USP32: variants seen among roughly 807,000 people sequenced by gnomAD.
The protein encoded by USP32 is ubiquitin specific peptidase 32.
Under a neutral mutation model 204.8 loss-of-function variants are expected in USP32, and 59 were observed. The ratio of observed to expected loss-of-function variants is 0.29; its 90% CI spans 0.23 to 0.36. USP32 has a LOEUF of 0.36. USP32 is among the 10% of genes least tolerant of loss of function. The pLI, the probability that USP32 is intolerant of heterozygous loss-of-function variation, is 1.00. For missense variants in USP32, 1,160 were observed against 1,946.4 expected (o/e 0.60, Z 7.60); for synonymous variants, 517 against 678.4 (o/e 0.76, Z 3.70).
intron 25 of USP32, among the ~76,000 whole-genome samples, chr17:60,206,393 A>C (rs1193994581): frequency 1.3e-5 from 2 of 149,688 alleles, no homozygotes; most frequent in African/African-American, 2.6e-5. Flanking sequence ...CAAGCGCTTA[A>C]CAGTCCACGT....
At chr17:60,293,927 C>T (rs1031299517) in intron 4 of USP32, among the ~76,000 whole-genome samples, 2 of 152,198 alleles carry the variant, frequency 1.3e-5, no homozygotes, top group African/African-American at 2.4e-5. Context: ...AAGGACTTGT[C>T]ACATACTAGC....
At chr17:60,208,994 C>A (rs1286625739) in intron 22 of USP32, among the ~76,000 whole-genome samples, 166 bp from the exon 23 acceptor site, 1 of 152,014 alleles carries the variant, frequency 6.6e-6, no homozygotes, top group Non-Finnish European at 1.5e-5. Flanking sequence ...TCCTATTTTT[C>A]ATTTGTTCTT....
rs56811678 is a variant in USP32, at chr17:60,274,620, A to G, written c.572-3139T>C. Among the ~76,000 whole-genome samples the G allele has an allele frequency of 7.3e-3, 1,108 of 152,344 alleles. 16 individuals are homozygous for G. The highest frequency in any genetic ancestry group is 0.026 in the African/African-American group (1,064 of 41,574). Reference sequence around the variant, plus strand: ...AGAAAGCAACAGGGAAGAAGTACTGAAAAAGAAAACAAAATTGTCAACCTC... The same window carrying G: ...AGAAAGCAACAGGGAAGAAGTACTGGAAAAGAAAACAAAATTGTCAACCTC... On this transcript the variant is annotated intron_variant, in intron 5 of 33. Transcript: ENST00000300896.
intron 8 of USP32, 44 bp downstream of exon 8, chr17:60,265,932 A>T: frequency 6.9e-7 from 1 of 1,453,172 alleles, no homozygotes; most frequent in South Asian, 1.2e-5. Context: ...CCAATTTCCC[A>T]TTGGAAGTTT....
chr17:60,212,155 G>A (rs951243579), intron 18 of USP32, 57 bp from the exon 19 acceptor site: 11 of 1,402,822 alleles, frequency 7.8e-6, no homozygotes, highest in South Asian at 2.5e-5. Context: ...ATACCCATTC[G>A]ATTGCTTTTT....
chr17:60,399,634 G>A (rs1452716777), intron 1 of USP32, among the ~76,000 whole-genome samples: 1 of 152,128 alleles, frequency 6.6e-6, no homozygotes, highest in African/African-American at 2.4e-5. Context: ...CTGCACTCCA[G>A]CCTGGATGAC....
rs538170509 is a variant in USP32 at position 60,190,532 on chromosome 17, C to A, written c.3642+31G>T. On this transcript the variant is annotated intron_variant, in intron 29 of 33. Coordinates refer to ENST00000300896, the MANE Select transcript of USP32 (RefSeq NM_032582.4). ...CTGGTGGAAATTTCTCATATAAAAA[C>A]CACCATTTTATGGTGGCCCTAAATA... The A allele has an allele frequency of 5.3e-6, 8 of 1,512,558 alleles. No homozygotes were observed. In the South Asian group the frequency reaches 1.1e-4, roughly 20 times the overall value. The allele number at this position is 1,512,558 out of a possible 1,614,324, so 93.7% of individuals were successfully genotyped here.
chr17:60,183,474 A>C (rs1175672037), intron 30 of USP32, 21 bp from the exon 31 acceptor site: 1 of 1,570,522 alleles, frequency 6.4e-7, no homozygotes, highest in Non-Finnish European at 8.6e-7. Context: ...AAAGGTAGAA[A>C]ACATCTGCAT....
intron 11 of USP32, among the ~76,000 whole-genome samples, chr17:60,247,337 AC>A (rs375633282): frequency 5.3e-4 from 81 of 151,664 alleles, no homozygotes; most frequent in African/African-American, 1.8e-3. Context: ...CTGCCACCAT[AC>A]CCAACTAGTT....
intron 25 of USP32, among the ~76,000 whole-genome samples, chr17:60,206,681 T>C (rs2084835535): frequency 6.6e-6 from 1 of 151,792 alleles, no homozygotes; most frequent in South Asian, 2.1e-4. Context: ...AAATTACATA[T>C]AATATTGGAT....
rs78862134 is a variant in USP32, at chr17:60,293,289, G to A, written c.411+1394C>T. ...AAAAATGAGAATGTCTGCATAAACC[G>A]TATTAAAATGAAAAAATATCATACT... On this transcript the variant is annotated intron_variant, in intron 4 of 33. Transcript: ENST00000300896. Among the ~76,000 whole-genome samples the A allele has an allele frequency of 1.5e-4, 23 of 152,090 alleles. No individual in the cohort carries two copies. The East Asian group carries it at 1.9e-3, about 13-fold the overall frequency.
At chr17:60,237,672 G>A (rs913819024) in intron 11 of USP32, among the ~76,000 whole-genome samples, 5 of 152,264 alleles carry the variant, frequency 3.3e-5, no homozygotes, top group African/African-American at 1.2e-4. Flanking sequence ...TCATGTAAAT[G>A]GGATGATTCA....
intron 1 of USP32, among the ~76,000 whole-genome samples, chr17:60,410,798 C>T (rs546487843): frequency 2.1e-4 from 32 of 151,768 alleles, no homozygotes; most frequent in African/African-American, 7.3e-4. Flanking sequence ...TAGAAACTGT[C>T]GGCTGGGTGC....
Position 60,301,677 on chromosome 17 carries a change from A to G in USP32, c.214T>C (p.Ser72Pro). 1.2e-6 allele frequency: 2 copies of G among 1,600,994 alleles called. No individual in the cohort carries two copies. Among genetic ancestry groups the G allele is most frequent in the African/African-American group, 1.4e-5 (1 of 74,038 alleles). The change falls in exon 3 of 34, where the codon TCC (serine) becomes CCC (proline). Residue 72 changes from serine to proline, a missense_variant. This residue lies in a region of USP32 where 536 missense variants were observed against 680.9 expected (regional missense o/e 0.79). Transcript: ENST00000300896. ...EVIYCSFGGT[S>P]KGLHFNNLIV... ...AAATTATTGAAGTGCAGCCCTTTGG[A>G]TGTTCCACCAAAAGAACAGTAAATC...
At chr17:60,346,295 C>G (rs999537370) in intron 1 of USP32, among the ~76,000 whole-genome samples, 4 of 152,004 alleles carry the variant, frequency 2.6e-5, no homozygotes, top group Non-Finnish European at 4.4e-5. Context: ...TATAGGCATA[C>G]AAATTTTAGG....
chr17:60,257,859 T>A (rs1226685930), intron 9 of USP32, among the ~76,000 whole-genome samples: 1 of 152,142 alleles, frequency 6.6e-6, no homozygotes, highest in Admixed American at 6.5e-5. Flanking sequence ...TATCAGTTTC[T>A]TACTCTTTGG....
At chr17:60,311,969 G>C (rs1053731261) in intron 2 of USP32, among the ~76,000 whole-genome samples, 4 of 152,216 alleles carry the variant, frequency 2.6e-5, no homozygotes, top group East Asian at 3.8e-4. Flanking sequence ...CAGTTCCTTA[G>C]GGGAAATAGT....
intron 29 of USP32, among the ~76,000 whole-genome samples, chr17:60,187,080 TC>T (rs2084269781): frequency 1.3e-5 from 2 of 152,274 alleles, no homozygotes; most frequent in South Asian, 2.1e-4. Context: ...GTGAACTTCC[TC>T]CATGAATTTC....
chr17:60,326,968 C>T (rs1598249477), intron 2 of USP32, among the ~76,000 whole-genome samples: 1 of 50,850 alleles, frequency 2.0e-5, no homozygotes, highest in Admixed American at 2.1e-4. Context: ...TTACTAGAGG[C>T]GAGGAAAGGG....
Sources: allele counts gnomAD v4.1 joint callset (sites outside exome capture counted in the v4.1 genomes callset), GRCh38; gene constraint gnomAD v4.1.1; regional missense constraint gnomAD v4.1.1; transcripts MANE v1.5; gene names NCBI Gene and HGNC (gene_info 2026-07-23, HGNC 2026-07-21).